CAMK1D: variants seen among roughly 807,000 people sequenced by gnomAD.
The protein encoded by CAMK1D is calcium/calmodulin dependent protein kinase ID, also known as calcium/calmodulin-dependent protein kinase type 1D.
CAMK1D carries 9 observed loss-of-function variants against 47.7 expected under a neutral mutation model. The observed-to-expected ratio is 0.19, with a 90% CI of 0.11 to 0.33. The LOEUF (loss-of-function observed/expected upper bound fraction) is 0.33. Among genes scored for constraint, CAMK1D ranks in the 10% least tolerant of loss-of-function variants. The probability of loss-of-function intolerance (pLI) is 1.00; values close to 1 mark genes in which losing one functional copy is unlikely to be tolerated. For missense variants in CAMK1D, 291 were observed against 488.7 expected, an observed-to-expected ratio of 0.60 and a Z score of 3.81; for synonymous variants, 184 against 184.9, an observed-to-expected ratio of 0.99 and a Z score of 0.04.
chr10:12,641,854 G>A lies in CAMK1D; in HGVS notation c.225-24882G>A, dbSNP rs1009370139. 2.0e-5 allele frequency among the ~76,000 whole-genome samples: 3 copies of A among 151,926 alleles called. No individual in the cohort carries two copies. In the South Asian group the frequency reaches 6.2e-4, roughly 31 times the overall value. On this transcript the variant is annotated intron_variant, in intron 2 of 10. Coordinates refer to ENST00000619168, the MANE Select transcript of CAMK1D (RefSeq NM_153498.4). ...GAGGCCAGGGGTTTGAGACCAACCTGGCCAACATGGTGAGACCCCATCTCT... is the reference window on the plus strand; with the variant it reads ...GAGGCCAGGGGTTTGAGACCAACCTAGCCAACATGGTGAGACCCCATCTCT...
intron 1 of CAMK1D, among the ~76,000 whole-genome samples, chr10:12,495,382 G>A (rs1235700695): frequency 2.0e-5 from 3 of 152,208 alleles, no homozygotes; most frequent in African/African-American, 7.2e-5. Flanking sequence ...TTTAGAATGA[G>A]CTAAATGTTA....
At chr10:12,593,049 G>T (rs944150907) in intron 2 of CAMK1D, among the ~76,000 whole-genome samples, 1 of 152,028 alleles carries the variant, frequency 6.6e-6, no homozygotes, top group Admixed American at 6.6e-5. Flanking sequence ...TTCTATAAGG[G>T]GTCCAGTAGT....
intron 3 of CAMK1D, among the ~76,000 whole-genome samples, chr10:12,714,186 G>A (rs1442245437): frequency 6.6e-6 from 1 of 151,964 alleles, no homozygotes; most frequent in Non-Finnish European, 1.5e-5. Flanking sequence ...TCTTATCCAT[G>A]GTCACCCTGC....
intron 1 of CAMK1D, among the ~76,000 whole-genome samples, chr10:12,467,316 C>A (rs1833621691): frequency 6.6e-6 from 1 of 152,134 alleles, no homozygotes; most frequent in African/African-American, 2.4e-5. Flanking sequence ...CAATGCCTGG[C>A]TAATTCTTGT....
intron 2 of CAMK1D, among the ~76,000 whole-genome samples, chr10:12,598,032 G>T: frequency 6.6e-6 from 1 of 152,340 alleles, no homozygotes; most frequent in East Asian, 1.9e-4. Context: ...GATGGACGAT[G>T]CCGTGAAACA....
chr10:12,679,818 C>A (rs1287296813), intron 3 of CAMK1D, among the ~76,000 whole-genome samples: 1 of 152,204 alleles, frequency 6.6e-6, no homozygotes, highest in Non-Finnish European at 1.5e-5. Context: ...CAGTCCCGCC[C>A]AGCACCCGGG....
chr10:12,551,082 G>A (rs1422307028), intron 1 of CAMK1D, among the ~76,000 whole-genome samples: 1 of 152,198 alleles, frequency 6.6e-6, no homozygotes, highest in Admixed American at 6.5e-5. Flanking sequence ...TGGGCCATGG[G>A]CCAATACCGG....
intron 1 of CAMK1D, among the ~76,000 whole-genome samples, chr10:12,480,774 T>G (rs1198078146): frequency 6.6e-6 from 1 of 152,220 alleles, no homozygotes; most frequent in African/African-American, 2.4e-5. Flanking sequence ...TAGGTTCCAC[T>G]GCCTCTCAGG....
At chr10:12,447,480 T>C (rs748745960) in intron 1 of CAMK1D, among the ~76,000 whole-genome samples, 7 of 152,154 alleles carry the variant, frequency 4.6e-5, no homozygotes, top group Admixed American at 1.3e-4. Flanking sequence ...GACAGAAAGA[T>C]TGCTTGAGGC....
intron 1 of CAMK1D, among the ~76,000 whole-genome samples, chr10:12,541,531 T>C (rs1836173606): frequency 6.6e-6 from 1 of 152,016 alleles, no homozygotes; most frequent in Non-Finnish European, 1.5e-5. Flanking sequence ...GCCTGGCTAA[T>C]TTTTCTATTT....
intron 5 of CAMK1D, among the ~76,000 whole-genome samples, chr10:12,790,297 C>A (rs369363686): frequency 1.3e-5 from 2 of 152,356 alleles, no homozygotes; most frequent in African/African-American, 4.8e-5. Flanking sequence ...TAGGGGCAGG[C>A]CTGAAGCAGG....
At chr10:12,738,660 A>G (rs562316631) in intron 3 of CAMK1D, among the ~76,000 whole-genome samples, 36 of 151,740 alleles carry the variant, frequency 2.4e-4, no homozygotes, top group South Asian at 1.7e-3. Flanking sequence ...GTGAAACCCC[A>G]TCTCTACTAA....
chr10:12,423,012 A>T (rs1840109651), intron 1 of CAMK1D, among the ~76,000 whole-genome samples: 1 of 151,752 alleles, frequency 6.6e-6, no homozygotes, highest in Non-Finnish European at 1.5e-5. Context: ...ATACACTATG[A>T]CTTGTTTCTT....
intron 1 of CAMK1D, among the ~76,000 whole-genome samples, chr10:12,460,588 A>G (rs1434337298): frequency 6.6e-6 from 1 of 151,992 alleles, no homozygotes; most frequent in East Asian, 1.9e-4. Flanking sequence ...GCCTGCCACC[A>G]CACCTGGCTA....
intron 6 of CAMK1D, among the ~76,000 whole-genome samples, chr10:12,796,627 C>T (rs1227903587): frequency 2.0e-5 from 3 of 152,082 alleles, no homozygotes; most frequent in African/African-American, 4.8e-5. Context: ...CACCGAGCCC[C>T]AAGCCCCGGG....
At chr10:12,387,535 C>G (rs1838568723) in intron 1 of CAMK1D, among the ~76,000 whole-genome samples, 1 of 138,856 alleles carries the variant, frequency 7.2e-6, no homozygotes. Flanking sequence ...GAGACAGGGT[C>G]TGGCTCCGTG....
chr10:12,646,030 C>T (rs565390306), intron 2 of CAMK1D, among the ~76,000 whole-genome samples: 2 of 149,430 alleles, frequency 1.3e-5, no homozygotes, highest in South Asian at 4.2e-4. Flanking sequence ...TTAGAATCTT[C>T]CACTGAACAG....
At chr10:12,817,731 C>A (rs1832853979) in intron 8 of CAMK1D, among the ~76,000 whole-genome samples, 1 of 152,108 alleles carries the variant, frequency 6.6e-6, no homozygotes, top group Non-Finnish European at 1.5e-5. Flanking sequence ...GTCTCCGTCA[C>A]CCAGGCTGGA....
At position 12,401,185 on chromosome 10, in the gene CAMK1D, A is replaced by G. The variant is rs57600097; in HGVS notation, c.92+51275A>G. The stretch of plus-strand genomic sequence containing the variant: ...ATAATATATGTATTATATATATTAT[A>G]TATATATTTTATATATATATAATAT... On this transcript the variant is annotated intron_variant, in intron 1 of 10. Transcript: ENST00000619168. 8.2e-4 allele frequency among the ~76,000 whole-genome samples: 39 copies of G among 47,474 alleles called. 2 individuals are homozygous for G. The highest frequency in any genetic ancestry group is 1.1e-3 in the Non-Finnish European group (30 of 27,160). The allele number at this position is 47,474 out of a possible 152,430, so 31.1% of individuals were successfully genotyped here. A position where few individuals can be genotyped will look rare whatever the true frequency, so the allele number is the denominator to read the frequency against.
Sources: gnomAD v4.1 joint callset for allele counts (sites outside exome capture counted in the v4.1 genomes callset) on GRCh38, gnomAD v4.1.1 for gene constraint, MANE v1.5 for transcripts, NCBI Gene and HGNC (gene_info 2026-07-23, HGNC 2026-07-21) for gene names.